SPOCK1: variants seen among roughly 807,000 people sequenced by gnomAD.
The protein encoded by SPOCK1 is testican-1.
A neutral mutation model predicts 55.3 loss-of-function variants in SPOCK1; 23 were observed. That is an observed-to-expected ratio of 0.42 (90% CI 0.30 to 0.59). SPOCK1 has a LOEUF of 0.59. Ranked by LOEUF, SPOCK1 falls within the 20% of genes least tolerant of loss-of-function variation. The pLI, the probability that SPOCK1 is intolerant of heterozygous loss-of-function variation, is 0.22. For synonymous variants in SPOCK1, 226 were observed against 221.0 expected (o/e 1.02, Z -0.20); for missense variants, 499 against 552.5 (o/e 0.90, Z 0.97).
chr5:137,183,737 T>G (rs777762530), intron 3 of SPOCK1, among the ~76,000 whole-genome samples: 6 of 152,198 alleles, frequency 3.9e-5, no homozygotes, highest in Non-Finnish European at 8.8e-5. Flanking sequence ...GAGTCCAGTT[T>G]CCAGCCCTCG....
chr5:137,283,920 C>T (rs1340779429), intron 2 of SPOCK1, among the ~76,000 whole-genome samples: 1 of 152,148 alleles, frequency 6.6e-6, no homozygotes, highest in Non-Finnish European at 1.5e-5. Flanking sequence ...TGGTACCTTG[C>T]CATTTTCTAA....
intron 2 of SPOCK1, among the ~76,000 whole-genome samples, chr5:137,314,087 T>C (rs1865406): frequency 0.18 from 27,553 of 151,418 alleles, 2,632 homozygotes; most frequent in East Asian, 0.27. Context: ...CTCTACCCCT[T>C]AGGCTTTCCT....
At chr5:137,042,835 A>G (rs1752025671) in intron 6 of SPOCK1, among the ~76,000 whole-genome samples, 1 of 152,164 alleles carries the variant, frequency 6.6e-6, no homozygotes, top group Non-Finnish European at 1.5e-5. Context: ...AATAATTTAT[A>G]AATGTATGTA....
chr5:137,134,008 G>A lies in SPOCK1; in HGVS notation c.347+6572C>T, dbSNP rs952838822. 3.6e-4 allele frequency among the ~76,000 whole-genome samples: 55 copies of A among 152,076 alleles called. 1 individual carries two copies. Among genetic ancestry groups the A allele is most frequent in the Non-Finnish European group, 1.0e-4 (7 of 68,022 alleles). On this transcript the variant is annotated intron_variant, in intron 4 of 10. Coordinates refer to ENST00000394945, the MANE Select transcript of SPOCK1 (RefSeq NM_004598.4). Reference sequence around the variant, plus strand: ...TTATCACTAAGGGAAATGTACATCAGGCCCCTGGGAGCTTGCCCCATGACT... The same window carrying A: ...TTATCACTAAGGGAAATGTACATCAAGCCCCTGGGAGCTTGCCCCATGACT...
In SPOCK1 at chr5:137,381,769, T is replaced by C. The variant is rs555079929; in HGVS notation, c.187-114714A>G. Among the ~76,000 whole-genome samples, 6 of 152,344 alleles carry C rather than the reference T, an allele frequency of 3.9e-5. No individual in the cohort carries two copies. In the South Asian group the frequency reaches 1.0e-3, roughly 26 times the overall value. Reference sequence around the variant, plus strand: ...TTTTCCTCCTTGGCCTCTGGGCCTGTAATGGGAGAGGCTGCCACAAAGGTA... The same window carrying C: ...TTTTCCTCCTTGGCCTCTGGGCCTGCAATGGGAGAGGCTGCCACAAAGGTA... On this transcript the variant is annotated intron_variant, in intron 2 of 10. Transcript: ENST00000394945.
chr5:137,112,382 G>A (rs998318172), intron 5 of SPOCK1, 53 bp downstream of exon 5: 1 of 1,597,386 alleles, frequency 6.3e-7, no homozygotes, highest in Admixed American at 1.7e-5. Context: ...AGAAGTGTTA[G>A]AACAAGCCGA....
At chr5:137,214,083 C>T (rs1270185462) in intron 3 of SPOCK1, among the ~76,000 whole-genome samples, 2 of 152,226 alleles carry the variant, frequency 1.3e-5, no homozygotes, top group South Asian at 2.1e-4. Context: ...AGCCCAGGGT[C>T]GAACACATAA....
At chr5:137,376,726 C>T (rs974377258) in intron 2 of SPOCK1, among the ~76,000 whole-genome samples, 2 of 151,972 alleles carry the variant, frequency 1.3e-5, no homozygotes, top group Non-Finnish European at 2.9e-5. Context: ...TCTCTTCATG[C>T]CAGTTTCTTC....
At chr5:137,021,575 C>A (rs1751572773) in intron 6 of SPOCK1, among the ~76,000 whole-genome samples, 1 of 152,130 alleles carries the variant, frequency 6.6e-6, no homozygotes, top group African/African-American at 2.4e-5. Flanking sequence ...AAATAAAATT[C>A]TAACAAATTA....
At chr5:137,297,070 C>T (rs1561496559) in intron 2 of SPOCK1, among the ~76,000 whole-genome samples, 1 of 152,120 alleles carries the variant, frequency 6.6e-6, no homozygotes, top group Non-Finnish European at 1.5e-5. Flanking sequence ...TGTATATAAA[C>T]ATAATATGTA....
intron 3 of SPOCK1, among the ~76,000 whole-genome samples, chr5:137,253,754 C>T (rs149739662): frequency 1.8e-3 from 267 of 152,248 alleles, no homozygotes; most frequent in African/African-American, 6.2e-3. Context: ...TTTGCAACTC[C>T]CACCCTCTAA....
chr5:137,199,400 T>C (rs149649686), intron 3 of SPOCK1, among the ~76,000 whole-genome samples: 79 of 152,288 alleles, frequency 5.2e-4, no homozygotes, highest in African/African-American at 1.7e-3. Context: ...AAGTTCGGGC[T>C]GGTTAGAAAA....
At chr5:137,400,129 C>A (rs1751944597) in intron 2 of SPOCK1, among the ~76,000 whole-genome samples, 1 of 152,200 alleles carries the variant, frequency 6.6e-6, no homozygotes, top group African/African-American at 2.4e-5. Flanking sequence ...CTGGGATATT[C>A]TTGCCCCTCT....
At chr5:137,143,473 T>C (rs1319985178) in intron 3 of SPOCK1, among the ~76,000 whole-genome samples, 1 of 151,644 alleles carries the variant, frequency 6.6e-6, no homozygotes, top group Admixed American at 6.6e-5. Flanking sequence ...CAAGGCAGAG[T>C]AGCTTCTGGG....
intron 3 of SPOCK1, among the ~76,000 whole-genome samples, chr5:137,206,635 A>G (rs1389242513): frequency 2.1e-4 from 32 of 152,252 alleles, no homozygotes; most frequent in Admixed American, 2.1e-3. Flanking sequence ...AGGTATCAGT[A>G]GATGTATTTA....
intron 3 of SPOCK1, among the ~76,000 whole-genome samples, chr5:137,160,558 TATATA>T (rs1754516142): frequency 3.5e-5 from 2 of 57,288 alleles, no homozygotes; most frequent in East Asian, 8.0e-4. Context: ...TAATATATAT[TATATA>T]TTATATATTA....
In SPOCK1 at chr5:137,239,326, T is replaced by A. The variant is rs537173721; in HGVS notation, c.232+27684A>T. 2.0e-5 allele frequency among the ~76,000 whole-genome samples: 3 copies of A among 152,380 alleles called. No homozygotes were observed. In the East Asian group the frequency reaches 5.8e-4, roughly 29 times the overall value. ...CTGCACTTGGGATCATTCTAGACCC[T>A]TGCCCTATGTATCTCTTCATCCGGA... On this transcript the variant is annotated intron_variant, in intron 3 of 10. Transcript: ENST00000394945.
rs949954164 is a variant in SPOCK1 at position 137,235,344 on chromosome 5, G to T, written c.232+31666C>A. ...TGTTCAGATTACCTTATGGTCATCA[G>T]GAAAAACAATGTGGCCGGTATTCAT... On this transcript the variant is annotated intron_variant, in intron 3 of 10. Transcript: ENST00000394945. Among the ~76,000 whole-genome samples the T allele has an allele frequency of 2.6e-5, 4 of 152,196 alleles. No homozygotes were observed. In the South Asian group the frequency reaches 8.3e-4, roughly 32 times the overall value.
intron 2 of SPOCK1, among the ~76,000 whole-genome samples, chr5:137,473,576 T>C (rs1580946349): frequency 6.6e-6 from 1 of 152,228 alleles, no homozygotes; most frequent in Admixed American, 6.5e-5. Context: ...ATAAATGTTT[T>C]ATATTTTCAA....
Sources: gnomAD v4.1 joint callset for allele counts (sites outside exome capture counted in the v4.1 genomes callset) on GRCh38, gnomAD v4.1.1 for gene constraint, MANE v1.5 for transcripts, NCBI Gene and HGNC (gene_info 2026-07-23, HGNC 2026-07-21) for gene names.